Variants in MYO9B observed in about 807,000 individuals in gnomAD.
MYO9B encodes the protein unconventional myosin-IXb.
A neutral mutation model predicts 229.5 loss-of-function variants in MYO9B; 71 were observed. That is an observed-to-expected ratio of 0.31 (90% CI 0.26 to 0.38). MYO9B has a LOEUF of 0.38. Ranked by LOEUF, MYO9B falls within the 10% of genes least tolerant of loss-of-function variation. The pLI is 1.00. For synonymous variants in MYO9B, 1,185 were observed against 1,235.8 expected, an observed-to-expected ratio of 0.96 and a Z score of 0.86; for missense variants, 2,255 against 2,920.5, an observed-to-expected ratio of 0.77 and a Z score of 5.25.
At position 17,102,629 on chromosome 19, in the gene MYO9B, G is replaced by A. The variant is rs574727913; in HGVS notation, c.840+72G>A. 3.7e-4 allele frequency: 544 copies of A among 1,465,916 alleles called. No homozygotes were observed. In the African/African-American group the frequency reaches 4.1e-3, roughly 11 times the overall value. The allele number at this position is 1,465,916 out of a possible 1,614,324, so 90.8% of individuals were successfully genotyped here. A position where few individuals can be genotyped will look rare whatever the true frequency, so the allele number is the denominator to read the frequency against. ...AAAATGCGGGTTTCAGGCCAAGCTCGGTGGCCCACATCTATAATCCCAATG... is the reference window on the plus strand; with the variant it reads ...AAAATGCGGGTTTCAGGCCAAGCTCAGTGGCCCACATCTATAATCCCAATG... On this transcript the variant is annotated intron_variant, in intron 2 of 39. Coordinates refer to ENST00000682292, the MANE Select transcript of MYO9B (RefSeq NM_004145.4).
intron 38 of MYO9B, 83 bp from the exon 39 acceptor site, chr19:17,211,564 G>T: frequency 7.6e-7 from 1 of 1,317,936 alleles, no homozygotes; most frequent in South Asian, 1.4e-5. Context: ...TTACATCTAG[G>T]AGCAGGACAG....
intron 2 of MYO9B, among the ~76,000 whole-genome samples, 181 bp downstream of exon 2, chr19:17,102,738 A>C (rs75150171): frequency 2.2e-5 from 3 of 136,480 alleles, no homozygotes; most frequent in African/African-American, 9.3e-5. Flanking sequence ...TTTTCTCTAC[A>C]AAAAAAAAAA....
At position 17,206,389 on chromosome 19, in the gene MYO9B, G is replaced by A; in HGVS notation, c.5386+13G>A. The A allele has an allele frequency of 6.2e-7, 1 of 1,607,618 alleles. No individual in the cohort carries two copies. The highest frequency in any genetic ancestry group is 1.1e-5 in the South Asian group (1 of 90,790). ...CTCCGAGCCGTCGGTGAGCCCCATG[G>A]CGGTGCGGGTGGCAGCAGGTGGCCA... On this transcript the variant is annotated intron_variant, in intron 33 of 39. Transcript: ENST00000682292.
intron 3 of MYO9B, among the ~76,000 whole-genome samples, chr19:17,149,731 T>C (rs1256503089): frequency 6.6e-6 from 1 of 152,204 alleles, no homozygotes; most frequent in Admixed American, 6.5e-5. Flanking sequence ...CTCCAATTTA[T>C]GAGGCTGCAG....
chr19:17,093,693 TG>T (rs764730738), intron 1 of MYO9B, among the ~76,000 whole-genome samples: 19,386 of 109,306 alleles, frequency 0.18, 1,418 homozygotes, highest in Non-Finnish European at 0.24. Flanking sequence ...TTGCGGGGGG[TG>T]GGGGGGGGGG....
chr19:17,206,217 G>A (rs371653643), intron 32 of MYO9B, 31 bp from the exon 33 acceptor site: 33 of 1,584,468 alleles, frequency 2.1e-5, no homozygotes, highest in South Asian at 2.1e-4. Context: ...CCAGTGCGCC[G>A]CTCACCAGAC....
rs550339961 is a variant in MYO9B, at chr19:17,175,504, A to G, written c.2141-159A>G. On this transcript the variant is annotated intron_variant, in intron 13 of 39. Coordinates refer to ENST00000682292, the MANE Select transcript of MYO9B (RefSeq NM_004145.4). ...GGAGGCAGGAGAATCCCTTGAACTC[A>G]GGAGGCAGAAGTTGCAGTGGGCCGA... 1.9e-3 allele frequency among the ~76,000 whole-genome samples: 291 copies of G among 152,014 alleles called. 1 individual carries two copies. Among genetic ancestry groups the G allele is most frequent in the African/African-American group, 6.7e-3 (279 of 41,458 alleles).
intron 11 of MYO9B, among the ~76,000 whole-genome samples, chr19:17,168,362 C>T (rs368646255): frequency 1.2e-3 from 182 of 152,172 alleles, no homozygotes; most frequent in Middle Eastern, 3.4e-3. Flanking sequence ...AACAGGGTTT[C>T]GTCATGTTTT....
At chr19:17,159,330 C>G in intron 7 of MYO9B, 65 bp from the exon 8 acceptor site, 1 of 1,431,518 alleles carries the variant, frequency 7.0e-7, no homozygotes. Context: ...CTCAGTGATA[C>G]CAGGACATGC....
At chr19:17,129,346 G>T (rs929973042) in intron 2 of MYO9B, among the ~76,000 whole-genome samples, 5 of 152,326 alleles carry the variant, frequency 3.3e-5, no homozygotes, top group Middle Eastern at 3.4e-3. Context: ...AGGCTGCAGT[G>T]AGCCAAGATC....
At chr19:17,163,219 G>T (rs911064564) in intron 10 of MYO9B, 97 bp downstream of exon 10, 25 of 1,326,994 alleles carry the variant, frequency 1.9e-5, no homozygotes, top group Non-Finnish European at 2.3e-5. Context: ...TCAGTTCAGC[G>T]GCGGTAAGTA....
chr19:17,102,417 T>A lies in MYO9B; in HGVS notation c.700T>A (p.Cys234Ser). 10 of 1,613,930 alleles carry A rather than the reference T, an allele frequency of 6.2e-6. No homozygotes were observed. The highest frequency in any genetic ancestry group is 8.5e-6 in the Non-Finnish European group (10 of 1,179,876). Reference sequence around the variant, plus strand: ...CATGCTCAGGAAGCGCGTGAACCAGTGCATCGTGATCTCGGGTGAGAGCGG... The same window carrying A: ...CATGCTCAGGAAGCGCGTGAACCAGAGCATCGTGATCTCGGGTGAGAGCGG... ...YTMLRKRVNQCIVISGESGSG... is the reference protein window; with the variant it reads ...YTMLRKRVNQSIVISGESGSG... The change falls in exon 2 of 40, where the codon TGC (cysteine) becomes AGC (serine). Residue 234 changes from cysteine (C) to serine (S), a missense_variant. This residue lies in a region of MYO9B where 386 missense variants were observed against 515.2 expected (regional missense o/e 0.75). Coordinates refer to ENST00000682292, the MANE Select transcript of MYO9B (RefSeq NM_004145.4).
chr19:17,189,513 T>C (rs2072957019), intron 19 of MYO9B, among the ~76,000 whole-genome samples: 2 of 152,002 alleles, frequency 1.3e-5, no homozygotes, highest in Admixed American at 6.5e-5. Flanking sequence ...TGCAATGTAC[T>C]TCCAGCTACT....
rs1319383167 is a variant in MYO9B, at chr19:17,149,240, A to C, written c.936-3404A>C. On this transcript the variant is annotated intron_variant, in intron 3 of 39. Transcript: ENST00000682292. The stretch of plus-strand genomic sequence containing the variant: ...CGATCCTTCCACCTTGGCCCCCCAA[A>C]GCTCTGGGGATTACAGGCATGAGCC... 2.0e-5 allele frequency among the ~76,000 whole-genome samples: 3 copies of C among 152,134 alleles called. 1 individual carries two copies. The highest frequency in any genetic ancestry group is 7.2e-5 in the African/African-American group (3 of 41,428).
chr19:17,113,943 C>T (rs2057874202), intron 2 of MYO9B, among the ~76,000 whole-genome samples: 1 of 152,154 alleles, frequency 6.6e-6, no homozygotes, highest in Non-Finnish European at 1.5e-5. Context: ...CCTGGTCCAA[C>T]CCAAGTTCCC....
rs375909499 is a variant in MYO9B at position 17,197,792 on chromosome 19, G to A, written c.4047G>A (p.Glu1349=). The change falls in exon 23 of 40, where the codon GAG becomes GAA. Residue 1349 remains glutamate, a splice_region_variant and synonymous_variant. Transcript: ENST00000682292. ...AAGCCATGTTTCTGTGATCTCGCAG[G>A]GAGAGGCGCACCTCCTTCTCCACGA... ...RATGAALTPT[E]ERRTSFSTSD... is the part of the protein sequence containing the mutation. 10 of 1,613,674 alleles carry A rather than the reference G, an allele frequency of 6.2e-6. No homozygotes were observed. The African/African-American group carries it at 1.3e-4, about 22-fold the overall frequency.
chr19:17,089,311 C>G (rs2057614522), intron 1 of MYO9B, among the ~76,000 whole-genome samples: 1 of 151,878 alleles, frequency 6.6e-6, no homozygotes, highest in African/African-American at 2.4e-5. Flanking sequence ...GGGAAATGTA[C>G]ACAAAATGTG....
chr19:17,145,335 G>GA lies in MYO9B; in HGVS notation c.841-54dup, dbSNP rs199778654. On this transcript the variant is annotated intron_variant, in intron 2 of 39. Coordinates refer to ENST00000682292, the MANE Select transcript of MYO9B (RefSeq NM_004145.4). ...ATAAAAGCACAGTGTAAAATGAGAGGAAAAAAAAGAAAAAGAAATTCCACC... is the reference window on the plus strand; with the variant it reads ...ATAAAAGCACAGTGTAAAATGAGAGGAAAAAAAAAGAAAAAGAAATTCCACC... 4,063 of 1,408,308 alleles carry GA rather than the reference G, an allele frequency of 2.9e-3. 87 individuals carry two copies. In the African/African-American group the frequency reaches 0.041, roughly 14 times the overall value. 87.2% of individuals were successfully genotyped at this position (1,408,308 alleles called of 1,614,324 possible).
rs756330925 is a variant in MYO9B, at chr19:17,080,791, C to A, written c.-59+4917C>A. On this transcript the variant is annotated intron_variant, in intron 1 of 39. Transcript: ENST00000682292. Reference sequence around the variant, plus strand: ...AGCTGAGACAGACAGATCGCTTGAGCCTGGGAGTTTGAGGCTACAGTGAGC... The same window carrying A: ...AGCTGAGACAGACAGATCGCTTGAGACTGGGAGTTTGAGGCTACAGTGAGC... 2.0e-5 allele frequency among the ~76,000 whole-genome samples: 3 copies of A among 152,076 alleles called. No individual in the cohort carries two copies. In the South Asian group the frequency reaches 6.2e-4, roughly 32 times the overall value.
Sources: gnomAD v4.1 joint callset for allele counts (sites outside exome capture counted in the v4.1 genomes callset) on GRCh38, gnomAD v4.1.1 for gene constraint, gnomAD v4.1.1 regional missense constraint, MANE v1.5 for transcripts, NCBI Gene and HGNC (gene_info 2026-07-23, HGNC 2026-07-21) for gene names.